The following WNT9A variants were observed in gnomAD, a reference collection of about 807,000 sequenced individuals.
The protein encoded by WNT9A is Wnt family member 9A.
In WNT9A, 8 loss-of-function variants were observed where a neutral mutation model predicts 31.4. The ratio of observed to expected loss-of-function variants is 0.26; its 90% CI spans 0.15 to 0.46. WNT9A has a LOEUF of 0.46. Ranked by LOEUF, WNT9A falls within the 20% of genes least tolerant of loss-of-function variation. The pLI is 0.99. For synonymous variants in WNT9A, 236 were observed against 220.1 expected (o/e 1.07, Z -0.64); for missense variants, 457 against 522.9 (o/e 0.87, Z 1.23).
chr1:227,924,354 C>G lies in WNT9A; in HGVS notation c.399G>C (p.Leu133=), dbSNP rs1214797452. 6.2e-7 allele frequency: 1 copy of G among 1,613,384 alleles called. No individual in the cohort carries two copies. Among genetic ancestry groups the G allele is most frequent in the Non-Finnish European group, 8.5e-7 (1 of 1,179,796 alleles). The change falls in exon 3 of 4, where the codon CTG becomes CTC. Residue 133 remains leucine, a synonymous_variant. Coordinates refer to ENST00000272164, the MANE Select transcript of WNT9A (RefSeq NM_003395.4). ...TGCACGCCTTGGCCAGTGCGTGCGT[C>G]AGGCCAGCCGAGGAGATGGCATAGA... The part of the protein sequence containing the change: ...AFLYAISSAG[L]THALAKACSA...
intron 1 of WNT9A, among the ~76,000 whole-genome samples, chr1:227,939,933 C>T (rs1211481327): frequency 6.6e-6 from 1 of 152,236 alleles, no homozygotes; most frequent in Non-Finnish European, 1.5e-5. Context: ...TGCTGTGTCC[C>T]TCAGGGCTGC....
chr1:227,940,390 C>T (rs1161842391), intron 1 of WNT9A, among the ~76,000 whole-genome samples: 1 of 152,198 alleles, frequency 6.6e-6, no homozygotes, highest in Non-Finnish European at 1.5e-5. Flanking sequence ...AGCCGCAGAC[C>T]CACACAACTG....
intron 1 of WNT9A, among the ~76,000 whole-genome samples, chr1:227,927,666 G>A (rs1428440431): frequency 6.6e-6 from 1 of 152,120 alleles, no homozygotes; most frequent in Non-Finnish European, 1.5e-5. Context: ...AGGGCAGCTT[G>A]CAGGTGGAGA....
At chr1:227,929,843 T>C (rs976139814) in intron 1 of WNT9A, among the ~76,000 whole-genome samples, 1 of 152,144 alleles carries the variant, frequency 6.6e-6, no homozygotes. Context: ...GAGAGACCCT[T>C]GCCTCTTCTG....
chr1:227,927,766 C>T (rs1335701664), intron 1 of WNT9A, among the ~76,000 whole-genome samples: 4 of 152,128 alleles, frequency 2.6e-5, no homozygotes, highest in African/African-American at 9.7e-5. Context: ...CAGGCCTGGA[C>T]CCGCCAGGAC....
At position 227,947,854 on chromosome 1, in the gene WNT9A, C is replaced by T; in HGVS notation, c.34G>A (p.Ala12Thr). The T allele has an allele frequency of 9.2e-7, 1 of 1,088,086 alleles. No individual in the cohort carries two copies. Among genetic ancestry groups the T allele is most frequent in the Non-Finnish European group, 1.1e-6 (1 of 896,840 alleles). The allele number at this position is 1,088,086 out of a possible 1,614,324, so 67.4% of individuals were successfully genotyped here. Reference protein sequence around the residue: ...LDGSPLARWLAAAFGLTLLLA... With the variant: ...LDGSPLARWLTAAFGLTLLLA... ...AGCAGCGTCAGCCCGAAGGCCGCGG[C>T]CAGCCAGCGCGCCAGCGGGGACCCA... The change falls in exon 1 of 4, where the codon GCC becomes ACC. Residue 12 changes from alanine to threonine, a missense_variant. Coordinates refer to ENST00000272164, the MANE Select transcript of WNT9A (RefSeq NM_003395.4).
rs773127282 is a variant in WNT9A at position 227,921,495 on chromosome 1, C to T, written c.*23G>A. 1 of 1,592,804 alleles carries T rather than the reference C, an allele frequency of 6.3e-7. No individual in the cohort carries two copies. Among genetic ancestry groups the T allele is most frequent in the South Asian group, 1.1e-5 (1 of 87,306 alleles). On this transcript the variant is annotated 3_prime_UTR_variant, in exon 4 of 4. Transcript: ENST00000272164. ...TGTGCAATGCCTGCACCCTGTGCAG[C>T]AGGGCTGGCAGGGCCTGGGAACTCA... is the stretch of plus-strand genomic sequence containing the variant.
rs187280089 is a variant in WNT9A at position 227,936,623 on chromosome 1, C to T, written c.96-11104G>A. On this transcript the variant is annotated intron_variant, in intron 1 of 3. Transcript: ENST00000272164. ...GTGCTGGGATTACAGGCATGAGCCA[C>T]TGCACCCAGTCTTTTTTTTTTTGAG... Among the ~76,000 whole-genome samples the T allele has an allele frequency of 1.1e-3, 153 of 141,518 alleles. 6 individuals carry two copies. The East Asian group carries it at 0.029, about 27-fold the overall frequency. 92.8% of individuals were successfully genotyped at this position (141,518 alleles called of 152,430 possible).
In WNT9A at chr1:227,947,853, G is replaced by C. The variant is rs546434966; in HGVS notation, c.35C>G (p.Ala12Gly). ...CAGCAGCGTCAGCCCGAAGGCCGCG[G>C]CCAGCCAGCGCGCCAGCGGGGACCC... ...LDGSPLARWLAAAFGLTLLLA... is the reference protein window; with the variant it reads ...LDGSPLARWLGAAFGLTLLLA... The change falls in exon 1 of 4, where the codon GCC becomes GGC. Residue 12 changes from alanine to glycine, a missense_variant. Coordinates refer to ENST00000272164, the MANE Select transcript of WNT9A (RefSeq NM_003395.4). The C allele has an allele frequency of 9.2e-7, 1 of 1,088,252 alleles. No homozygotes were observed. The highest frequency in any genetic ancestry group is 5.3e-5 in the Admixed American group (1 of 19,042). The allele number at this position is 1,088,252 out of a possible 1,614,324, so 67.4% of individuals were successfully genotyped here. A position where few individuals can be genotyped will look rare whatever the true frequency, so the allele number is the denominator to read the frequency against.
chr1:227,923,749 T>C (rs1242364599), intron 3 of WNT9A, among the ~76,000 whole-genome samples: 1 of 152,032 alleles, frequency 6.6e-6, no homozygotes, highest in African/African-American at 2.4e-5. Flanking sequence ...CTCCCACCGG[T>C]CTTCGTGACA....
At position 227,919,810 on chromosome 1, in the gene WNT9A, G is replaced by A. The variant is rs200648344; in HGVS notation, c.*1708C>T. The A allele has an allele frequency of 2.2e-4, 33 of 148,582 alleles. No homozygotes were observed. Among genetic ancestry groups the A allele is most frequent in the East Asian group, 1.8e-3 (9 of 5,026 alleles). 9.2% of individuals were successfully genotyped at this position (148,582 alleles called of 1,614,324 possible). On this transcript the variant is annotated 3_prime_UTR_variant, in exon 4 of 4. Coordinates refer to ENST00000272164, the MANE Select transcript of WNT9A (RefSeq NM_003395.4). ...CGCACTCACAACACTCACAACATAC[G>A]CACACGTATGCACACTGACCACGCC...
At chr1:227,930,827 C>A (rs921574976) in intron 1 of WNT9A, among the ~76,000 whole-genome samples, 1 of 152,112 alleles carries the variant, frequency 6.6e-6, no homozygotes, top group Admixed American at 6.6e-5. Flanking sequence ...TCGAGACCAG[C>A]CTGGCCAACA....
chr1:227,934,805 T>G (rs1158346745), intron 1 of WNT9A, among the ~76,000 whole-genome samples: 1 of 151,492 alleles, frequency 6.6e-6, no homozygotes, highest in Non-Finnish European at 1.5e-5. Flanking sequence ...CTACAAAGCC[T>G]GAGTCATAGA....
At chr1:227,927,431 A>C (rs1348303276) in intron 1 of WNT9A, among the ~76,000 whole-genome samples, 2 of 152,164 alleles carry the variant, frequency 1.3e-5, no homozygotes, top group Non-Finnish European at 2.9e-5. Context: ...TGAGGTTGGA[A>C]GAGGCCGCCT....
At chr1:227,940,450 A>G (rs1572134735) in intron 1 of WNT9A, among the ~76,000 whole-genome samples, 1 of 151,948 alleles carries the variant, frequency 6.6e-6, no homozygotes, top group African/African-American at 2.4e-5. Flanking sequence ...CACCAGTGTC[A>G]CCTCCCACAC....
At chr1:227,934,358 C>T (rs1241480567) in intron 1 of WNT9A, among the ~76,000 whole-genome samples, 5 of 152,152 alleles carry the variant, frequency 3.3e-5, no homozygotes, top group African/African-American at 1.2e-4. Flanking sequence ...GACTTAGTTT[C>T]TATTACTTTT....
chr1:227,921,941 C>A lies in WNT9A; in HGVS notation c.675G>T (p.Thr225=). Residue 225 remains threonine, a synonymous_variant, in exon 4 of 4, where the codon ACG becomes ACT. Transcript: ENST00000272164. The part of the protein sequence containing the change: ...CKCHGVSGSC[T]VRTCWRQLAP... The stretch of plus-strand genomic sequence containing the variant: ...CCAACTGCCGCCAGCAGGTCCGCAC[C>A]GTGCATGAGCCTGACACGCCGTGGC... 6.2e-7 allele frequency: 1 copy of A among 1,612,972 alleles called. No individual in the cohort carries two copies. The highest frequency in any genetic ancestry group is 1.1e-5 in the South Asian group (1 of 91,084).
intron 1 of WNT9A, among the ~76,000 whole-genome samples, chr1:227,931,201 A>G (rs1326525911): frequency 6.6e-6 from 1 of 151,906 alleles, no homozygotes; most frequent in African/African-American, 2.4e-5. Context: ...GAAACTGACC[A>G]ATGTTCTGTG....
intron 1 of WNT9A, among the ~76,000 whole-genome samples, chr1:227,929,403 A>G (rs1666472115): frequency 6.6e-6 from 1 of 152,230 alleles, no homozygotes. Flanking sequence ...AGGAAACTTT[A>G]AAAATAATCC....
Sources: gnomAD v4.1 joint callset for allele counts (sites outside exome capture counted in the v4.1 genomes callset) on GRCh38, gnomAD v4.1.1 for gene constraint, MANE v1.5 for transcripts, NCBI Gene and HGNC (gene_info 2026-07-23, HGNC 2026-07-21) for gene names.